Variants in SMARCC2 observed in about 807,000 individuals in gnomAD.
The protein encoded by SMARCC2 is SWI/SNF related BAF chromatin remodeling complex subunit C2, also known as SWI/SNF complex subunit SMARCC2.
In SMARCC2, 15 loss-of-function variants were observed where a neutral mutation model predicts 151.3. The observed-to-expected ratio is 0.10, with a 90% CI of 0.07 to 0.15. The LOEUF (loss-of-function observed/expected upper bound fraction) is 0.15. Ranked by LOEUF, SMARCC2 falls within the 10% of genes least tolerant of loss-of-function variation. The pLI is 1.00. For missense variants in SMARCC2, 1,031 were observed against 1,599.7 expected (o/e 0.64, Z 6.06); for synonymous variants, 590 against 609.5 (o/e 0.97, Z 0.47).
At position 56,162,377 on chromosome 12, in the gene SMARCC2, A is replaced by G. The variant is rs1266690184; in HGVS notation, c.*1312T>C. 2 of 642,868 alleles carry G rather than the reference A, an allele frequency of 3.1e-6. No individual in the cohort carries two copies. Among genetic ancestry groups the G allele is most frequent in the Non-Finnish European group, 5.5e-6 (2 of 364,388 alleles). The allele number at this position is 642,868 out of a possible 1,614,324, so 39.8% of individuals were successfully genotyped here. ...CACAAGATGGAACTGAAAGCAAATT[A>G]ATTTATAAAAAAAAAAAAAAGAAAG... On this transcript the variant is annotated 3_prime_UTR_variant, in exon 29 of 29. Transcript: ENST00000550164.
chr12:56,185,179 C>CTT, intron 3 of SMARCC2, 68 bp from the exon 4 acceptor site: 1 of 1,321,230 alleles, frequency 7.6e-7, no homozygotes, highest in Non-Finnish European at 1.1e-6. Context: ...GGGCACGTGA[C>CTT]TTTTTTGTTT....
At chr12:56,182,954 C>T (rs1565919611) in intron 7 of SMARCC2, among the ~76,000 whole-genome samples, 1 of 150,632 alleles carries the variant, frequency 6.6e-6, no homozygotes, top group Non-Finnish European at 1.5e-5. Flanking sequence ...CCACCTCAGC[C>T]CCCCAAGTAG....
chr12:56,175,515 TCA>T (rs1389944929), intron 15 of SMARCC2, among the ~76,000 whole-genome samples: 2 of 152,334 alleles, frequency 1.3e-5, no homozygotes, highest in Non-Finnish European at 1.5e-5. Context: ...TTTTTAAACC[TCA>T]GTTTCCTCAT....
rs750097555 is a variant in SMARCC2 at position 56,172,665 on chromosome 12, T to G, written c.1783A>C (p.Lys595Gln). Residue 595 changes from lysine (K) to glutamine (Q), a missense_variant, in exon 19 of 29, where the codon AAA becomes CAA. By Grantham distance (53) the Lys-to-Gln change is moderately conservative. Transcript: ENST00000550164. ...ASQQMLNFPDKGKEKPTDMQN... is the reference protein window; with the variant it reads ...ASQQMLNFPDQGKEKPTDMQN... ...ATGTCTGTTGGTTTCTCTTTGCCTT[T>G]GTCAGGAAAGTTGAGCATTTGTTGG... 6.2e-7 allele frequency: 1 copy of G among 1,614,228 alleles called. No homozygotes were observed. The highest frequency in any genetic ancestry group is 8.5e-7 in the Non-Finnish European group (1 of 1,180,030).
Position 56,165,580 on chromosome 12 carries a change from C to T in SMARCC2, c.2970G>A (p.Gln990=). The T allele has an allele frequency of 2.5e-6, 4 of 1,613,632 alleles. No homozygotes were observed. Among genetic ancestry groups the T allele is most frequent in the Non-Finnish European group, 3.4e-6 (4 of 1,179,992 alleles). Residue 990 remains glutamine, a synonymous_variant, in exon 27 of 29, where the codon CAG becomes CAA. Transcript: ENST00000550164. The part of the protein sequence containing the change: ...QHFQQMHQQQ[Q]QPPPALPPGS... ...CTGGGGGCAGGGCTGGTGGTGGCTG[C>T]TGCTGCTGTTGGTGCATCTGTTGGA... is the stretch of plus-strand genomic sequence containing the variant.
At chr12:56,188,475 A>G (rs1341713889) in intron 1 of SMARCC2, among the ~76,000 whole-genome samples, 1 of 152,206 alleles carries the variant, frequency 6.6e-6, no homozygotes, top group South Asian at 2.1e-4. Flanking sequence ...AGTGAGAAAA[A>G]GAGAGGCAGA....
chr12:56,180,753 GACA>G (rs1179607111), intron 11 of SMARCC2, among the ~76,000 whole-genome samples: 1 of 152,160 alleles, frequency 6.6e-6, no homozygotes, highest in East Asian at 1.9e-4. Flanking sequence ...AGAGTTTGGA[GACA>G]ACTACTATCA....
At position 56,178,104 on chromosome 12, in the gene SMARCC2, A is replaced by C. The variant is rs151131746; in HGVS notation, c.1311-11T>G. 1,632 of 1,609,174 alleles carry C rather than the reference A, an allele frequency of 1.0e-3. No homozygotes were observed. The highest frequency in any genetic ancestry group is 1.3e-3 in the Non-Finnish European group (1,555 of 1,177,148). On this transcript the variant is annotated splice_polypyrimidine_tract_variant and intron_variant, in intron 14 of 28. Transcript: ENST00000550164. ...TCAATGGCATGAACACTGCAAGAAAAGCCAGAATGGTTTCAGAAGAAGGCA... is the reference window on the plus strand; with the variant it reads ...TCAATGGCATGAACACTGCAAGAAACGCCAGAATGGTTTCAGAAGAAGGCA...
Position 56,171,764 on chromosome 12 carries a change from C to T in SMARCC2, c.2100G>A (p.Ser700=), listed in dbSNP as rs1413298942. 1.2e-6 allele frequency: 2 copies of T among 1,612,064 alleles called. No homozygotes were observed. Among genetic ancestry groups the T allele is most frequent in the East Asian group, 2.2e-5 (1 of 44,878 alleles). ...CAACAGTGCTCATAACAGGGTTGCC[C>T]GACTGACTGAAGGGGATGGGTTGGT... ...LAYQPIPFSQ[S]GNPVMSTVAF... is the part of the protein sequence containing the mutation. Residue 700 remains serine (S), a synonymous_variant, in exon 21 of 29, where the codon TCG becomes TCA. Coordinates refer to ENST00000550164, the MANE Select transcript of SMARCC2 (RefSeq NM_001330288.2). The surrounding 1 kb of genome is among the most constrained non-coding windows in gnomAD (Gnocchi z 4.2).
At position 56,178,798 on chromosome 12, in the gene SMARCC2, A is replaced by C. The variant is rs745448677; in HGVS notation, c.1179+12T>G. The C allele has an allele frequency of 1.9e-6, 3 of 1,613,160 alleles. No individual in the cohort carries two copies. The highest frequency in any genetic ancestry group is 1.1e-5 in the South Asian group (1 of 91,060). On this transcript the variant is annotated intron_variant, in intron 13 of 28. Transcript: ENST00000550164. ...CACATAGAGAGGTAGGGCCTCTCTAAACTGGCTCCACCTTGCCCGTCGTCT... is the reference window on the plus strand; with the variant it reads ...CACATAGAGAGGTAGGGCCTCTCTACACTGGCTCCACCTTGCCCGTCGTCT...
chr12:56,182,185 G>A (rs1876350255), intron 7 of SMARCC2, 106 bp from the exon 8 acceptor site: 1 of 716,926 alleles, frequency 1.4e-6, no homozygotes, highest in African/African-American at 1.8e-5. Context: ...TTGGGTTCTT[G>A]GCTTATTTTT....
intron 26 of SMARCC2, among the ~76,000 whole-genome samples, chr12:56,166,174 C>T (rs531659172): frequency 1.9e-4 from 29 of 152,274 alleles, no homozygotes; most frequent in African/African-American, 6.5e-4. Context: ...CTGAGTCTCA[C>T]TCTGTCACCC....
rs778356165 is a variant in SMARCC2, at chr12:56,172,945, G to C, written c.1735C>G (p.Pro579Ala). ...DLVPETAKGK[P>A]ELQTSASQQM... ...GTCTGCACCCCACCTACCAGCTCTG[G>C]CTTGCCCTTAGCCGTCTCTGGCACC... Residue 579 changes from proline to alanine, a missense_variant, in exon 18 of 29, where the codon CCA becomes GCA. This residue lies in a region of SMARCC2 where 99 missense variants were observed against 148.3 expected (regional missense o/e 0.67). Coordinates refer to ENST00000550164, the MANE Select transcript of SMARCC2 (RefSeq NM_001330288.2). 3 of 1,613,350 alleles carry C rather than the reference G, an allele frequency of 1.9e-6. No individual in the cohort carries two copies. The highest frequency in any genetic ancestry group is 1.3e-5 in the African/African-American group (1 of 74,940).
rs553753664 is a variant in SMARCC2, at chr12:56,167,198, A to G, written c.2850+862T>C. On this transcript the variant is annotated intron_variant, in intron 26 of 28. Transcript: ENST00000550164. Reference sequence around the variant, plus strand: ...GAAACCCCATCTCTACTAAAAATACAAAATTAGCTGGGCATGGTGGCACAT... The same window carrying G: ...GAAACCCCATCTCTACTAAAAATACGAAATTAGCTGGGCATGGTGGCACAT... 5.3e-5 allele frequency among the ~76,000 whole-genome samples: 8 copies of G among 150,368 alleles called. No individual in the cohort carries two copies. In the East Asian group the frequency reaches 1.6e-3, roughly 30 times the overall value.
chr12:56,172,542 G>A (rs913135716), intron 19 of SMARCC2, 43 bp downstream of exon 19: 45 of 1,613,366 alleles, frequency 2.8e-5, no homozygotes, highest in Non-Finnish European at 3.8e-5. Context: ...GACCTCTGAG[G>A]AGCGAACATT....
chr12:56,184,378 C>A, intron 5 of SMARCC2, 134 bp from the exon 6 acceptor site: 1 of 633,086 alleles, frequency 1.6e-6, no homozygotes, highest in Non-Finnish European at 2.8e-6. Context: ...TAAGCACACA[C>A]CAGCTAAGTG....
At chr12:56,170,961 G>C (rs905096668) in intron 22 of SMARCC2, among the ~76,000 whole-genome samples, 1 of 149,626 alleles carries the variant, frequency 6.7e-6, no homozygotes, top group Non-Finnish European at 1.5e-5. Flanking sequence ...TTGAACTCCC[G>C]ACCTCGTGAT....
At position 56,165,537 on chromosome 12, in the gene SMARCC2, G is replaced by A. The variant is rs200833916; in HGVS notation, c.3013C>T (p.Pro1005Ser). 15 of 1,611,086 alleles carry A rather than the reference G, an allele frequency of 9.3e-6. No individual in the cohort carries two copies. Among genetic ancestry groups the A allele is most frequent in the Admixed American group, 6.7e-5 (4 of 59,918 alleles). Residue 1005 changes from proline to serine, a missense_variant, in exon 27 of 29, where the codon CCA becomes TCA. Transcript: ENST00000550164. The part of the protein sequence containing the change: ...ALPPGSQPIP[P>S]TGAAGPPAVH... ...GCGGGTGGCCCAGCAGCCCCTGTTG[G>A]GGGGATAGGCTGGGAGCCTGGGGGC...
At position 56,184,568 on chromosome 12, in the gene SMARCC2, C is replaced by G. The variant is rs1876862685; in HGVS notation, c.492+276G>C. On this transcript the variant is annotated intron_variant, in intron 5 of 28. Transcript: ENST00000550164. ...TCCAAAGAGCAGGAATTTCATTTATCTGAGATCACGCAATCTCTAGCTCAG... is the reference window on the plus strand; with the variant it reads ...TCCAAAGAGCAGGAATTTCATTTATGTGAGATCACGCAATCTCTAGCTCAG... 27 of 538,124 alleles carry G rather than the reference C, an allele frequency of 5.0e-5. No individual in the cohort carries two copies. In the South Asian group the frequency reaches 6.3e-4, roughly 13 times the overall value. The allele number at this position is 538,124 out of a possible 1,614,324, so 33.3% of individuals were successfully genotyped here. A position where few individuals can be genotyped will look rare whatever the true frequency, so the allele number is the denominator to read the frequency against.
Sources: allele counts gnomAD v4.1 joint callset (sites outside exome capture counted in the v4.1 genomes callset), GRCh38; gene constraint gnomAD v4.1.1; regional missense constraint gnomAD v4.1.1; non-coding constraint Gnocchi (gnomAD v3.1); transcripts MANE v1.5; gene names NCBI Gene and HGNC (gene_info 2026-07-23, HGNC 2026-07-21).